FARP2: variants seen among roughly 807,000 people sequenced by gnomAD.
FARP2 encodes the protein FERM, ARHGEF and pleckstrin domain-containing protein 2.
FARP2 carries 111 observed loss-of-function variants against 130.5 expected under a neutral mutation model. The observed-to-expected ratio is 0.85, with a 90% CI of 0.73 to 1.00. FARP2 has a LOEUF of 1.00. FARP2 is among the 50% of genes least tolerant of loss of function. FARP2 has a pLI of 0.00. For missense variants in FARP2, 1,385 were observed against 1,346.3 expected (o/e 1.03, Z -0.45); for synonymous variants, 504 against 516.9 (o/e 0.98, Z 0.34).
intron 2 of FARP2, among the ~76,000 whole-genome samples, chr2:241,399,310 G>C (rs1317411286): frequency 6.6e-6 from 1 of 152,008 alleles, no homozygotes; most frequent in African/African-American, 2.4e-5. Flanking sequence ...TGTTGGGTTT[G>C]TTTGTTTGTT....
At chr2:241,378,362 C>A (rs11681267) in intron 2 of FARP2, among the ~76,000 whole-genome samples, 20 of 150,312 alleles carry the variant, frequency 1.3e-4, no homozygotes, top group East Asian at 9.7e-4. Context: ...CCGCCTCCCC[C>A]CCTCGGCCTC....
In FARP2 at chr2:241,482,365, G is replaced by T. The variant is rs1318785542; in HGVS notation, c.2263-1100G>T. ...GGGCTGCTGCTTAGCCAGTGCTGGGGTCTCTGAGGGTGATGCTGCTACCTG... is the reference window on the plus strand; with the variant it reads ...GGGCTGCTGCTTAGCCAGTGCTGGGTTCTCTGAGGGTGATGCTGCTACCTG... On this transcript the variant is annotated intron_variant, in intron 19 of 26. Coordinates refer to ENST00000264042, the MANE Select transcript of FARP2 (RefSeq NM_014808.4). This position sits in a 1 kb window ranked among gnomAD's most constrained non-coding sequence, Gnocchi z 4.6. Among the ~76,000 whole-genome samples the T allele has an allele frequency of 1.3e-5, 2 of 152,154 alleles. No individual in the cohort carries two copies. The highest frequency in any genetic ancestry group is 6.5e-5 in the Admixed American group (1 of 15,284).
At position 241,491,505 on chromosome 2, in the gene FARP2, C is replaced by T; in HGVS notation, c.2624-11C>T. On this transcript the variant is annotated splice_polypyrimidine_tract_variant and intron_variant, in intron 23 of 26. Coordinates refer to ENST00000264042, the MANE Select transcript of FARP2 (RefSeq NM_014808.4). ...GGGGTTCCCCCTGAGACGCTGCTGA[C>T]TTCTCCCCAGGATCCCCCAACGAGG... is the stretch of plus-strand genomic sequence containing the variant. The T allele has an allele frequency of 1.2e-6, 2 of 1,612,968 alleles. No homozygotes were observed. The highest frequency in any genetic ancestry group is 1.7e-6 in the Non-Finnish European group (2 of 1,179,808).
chr2:241,413,187 G>T, intron 6 of FARP2, 120 bp from the exon 7 acceptor site: 5 of 598,992 alleles, frequency 8.3e-6, no homozygotes, highest in South Asian at 2.4e-5. Context: ...GCTTTTTTAG[G>T]GATATATTCT....
intron 13 of FARP2, among the ~76,000 whole-genome samples, chr2:241,451,070 C>T (rs2063645531): frequency 6.6e-6 from 1 of 152,132 alleles, no homozygotes. Flanking sequence ...CTTCCACCTC[C>T]ACCTCCTGAG....
chr2:241,431,686 C>T lies in FARP2; in HGVS notation c.779C>T (p.Thr260Ile), dbSNP rs757978. 156,229 of 1,573,582 alleles carry T rather than the reference C, an allele frequency of 0.099. 8,274 individuals carry two copies. The highest frequency in any genetic ancestry group is 0.11 in the Middle Eastern group (685 of 6,002). Reference sequence around the variant, plus strand: ...CTGTCTCTTGCATTTCAGGGCACCACCAAAATCAACACTTTCAACTGGTCC... The same window carrying T: ...CTGTCTCTTGCATTTCAGGGCACCATCAAAATCAACACTTTCAACTGGTCC... Reference protein sequence around the residue: ...HMGVLVFQGTTKINTFNWSKV... With the variant: ...HMGVLVFQGTIKINTFNWSKV... Residue 260 changes from threonine (T) to isoleucine (I), a missense_variant, in exon 9 of 27, where the codon ACC (threonine) becomes ATC (isoleucine). By Grantham distance (89) the Thr-to-Ile change is moderately conservative. Coordinates refer to ENST00000264042, the MANE Select transcript of FARP2 (RefSeq NM_014808.4).
intron 13 of FARP2, 71 bp from the exon 14 acceptor site, chr2:241,456,676 G>A (rs1661894614): frequency 6.6e-7 from 1 of 1,506,836 alleles, no homozygotes; most frequent in Non-Finnish European, 9.2e-7. Context: ...CAGGAGAGTA[G>A]TAGCGGCTCT....
At chr2:241,435,289 A>G (rs1016647462) in intron 11 of FARP2, among the ~76,000 whole-genome samples, 3 of 144,278 alleles carry the variant, frequency 2.1e-5, no homozygotes, top group Non-Finnish European at 3.0e-5. Context: ...TTTTTTCTGT[A>G]GAGACAAGGT....
At chr2:241,441,250 G>A in intron 12 of FARP2, 54 bp from the exon 13 acceptor site, 1 of 1,514,002 alleles carries the variant, frequency 6.6e-7, no homozygotes, top group South Asian at 1.3e-5. Flanking sequence ...GCAACTTCTA[G>A]TGGTAATTTG....
At chr2:241,436,443 A>AG (rs2063232317) in intron 11 of FARP2, 38 bp from the exon 12 acceptor site, 1 of 1,598,990 alleles carries the variant, frequency 6.3e-7, no homozygotes, top group Non-Finnish European at 8.6e-7. Flanking sequence ...TGAGAAGGGG[A>AG]GGGCTTGGTT....
At chr2:241,431,148 A>T in intron 8 of FARP2, among the ~76,000 whole-genome samples, 1 of 152,256 alleles carries the variant, frequency 6.6e-6, no homozygotes, top group South Asian at 2.1e-4. Flanking sequence ...TTTCTCATGC[A>T]CTGTGTCTGA....
At chr2:241,423,120 A>G (rs1281471902) in intron 8 of FARP2, among the ~76,000 whole-genome samples, 5 of 152,346 alleles carry the variant, frequency 3.3e-5, no homozygotes, top group African/African-American at 1.2e-4. Context: ...GAACCCCAGT[A>G]AGATACTCCA....
chr2:241,454,386 T>C (rs1044747490), intron 13 of FARP2, among the ~76,000 whole-genome samples: 1 of 152,186 alleles, frequency 6.6e-6, no homozygotes, highest in Admixed American at 6.5e-5. Context: ...GGGAGACATC[T>C]TCCTGCCACA....
At chr2:241,431,622 T>C (rs1036963938) in intron 8 of FARP2, 57 bp from the exon 9 acceptor site, 13 of 861,838 alleles carry the variant, frequency 1.5e-5, no homozygotes, top group Middle Eastern at 2.2e-4. Context: ...CCCTATTTCA[T>C]GAGAAAGGGG....
At chr2:241,457,671 G>T (rs970858490) in intron 14 of FARP2, among the ~76,000 whole-genome samples, 2 of 129,864 alleles carry the variant, frequency 1.5e-5, no homozygotes, top group Non-Finnish European at 3.3e-5. Context: ...GGGAGACCCA[G>T]TGTAGAAAGA....
chr2:241,463,232 G>C, intron 15 of FARP2, 103 bp from the exon 16 acceptor site: 1 of 1,254,660 alleles, frequency 8.0e-7, no homozygotes, highest in Non-Finnish European at 1.1e-6. Context: ...GCGGTGACTG[G>C]AGGGTCATCA....
chr2:241,480,143 T>G (rs1436269704), intron 19 of FARP2, among the ~76,000 whole-genome samples: 1 of 152,212 alleles, frequency 6.6e-6, no homozygotes, highest in African/African-American at 2.4e-5. Flanking sequence ...GAACTCCAGC[T>G]TCCCAAGGGG....
chr2:241,463,362 G>A lies in FARP2; in HGVS notation c.1705G>A (p.Asp569Asn). 1 of 1,614,124 alleles carries A rather than the reference G, an allele frequency of 6.2e-7. No individual in the cohort carries two copies. Among genetic ancestry groups the A allele is most frequent in the Non-Finnish European group, 8.5e-7 (1 of 1,180,024 alleles). The part of the protein sequence containing the change: ...VWFRSAVVKE[D>N]AMPATLMTLL... ...GTTCCGCAGCGCAGTGGTGAAGGAG[G>A]ACGCCATGCCTGCGACTCTGATGAC... Residue 569 changes from aspartate (D) to asparagine (N), a missense_variant, in exon 16 of 27, where the codon GAC becomes AAC. Coordinates refer to ENST00000264042, the MANE Select transcript of FARP2 (RefSeq NM_014808.4).
chr2:241,370,683 A>G (rs189996148), intron 1 of FARP2, among the ~76,000 whole-genome samples: 2 of 152,344 alleles, frequency 1.3e-5, no homozygotes, highest in South Asian at 2.1e-4. Context: ...CATGTTTAAT[A>G]TTAGTGTTGC....
Sources: gnomAD v4.1 joint callset for allele counts (sites outside exome capture counted in the v4.1 genomes callset) on GRCh38, gnomAD v4.1.1 for gene constraint, Gnocchi (gnomAD v3.1) non-coding constraint, MANE v1.5 for transcripts, NCBI Gene and HGNC (gene_info 2026-07-23, HGNC 2026-07-21) for gene names.